DPP10: variants seen among roughly 807,000 people sequenced by gnomAD.
The protein encoded by DPP10 is inactive dipeptidyl peptidase 10.
A neutral mutation model predicts 120.9 loss-of-function variants in DPP10; 33 were observed. The observed-to-expected ratio is 0.27, with a 90% CI of 0.21 to 0.37. The LOEUF (loss-of-function observed/expected upper bound fraction) is 0.37. Among genes scored for constraint, DPP10 ranks in the 10% least tolerant of loss-of-function variants. DPP10 has a pLI of 1.00. For missense variants in DPP10, 816 were observed against 942.8 expected (o/e 0.87, Z 1.76); for synonymous variants, 337 against 326.1 (o/e 1.03, Z -0.36).
At chr2:115,367,439 A>G (rs1374812646) in intron 3 of DPP10, among the ~76,000 whole-genome samples, 1 of 151,992 alleles carries the variant, frequency 6.6e-6, no homozygotes, top group Non-Finnish European at 1.5e-5. Flanking sequence ...ATATGTCTTT[A>G]TTAACAATCT....
intron 1 of DPP10, among the ~76,000 whole-genome samples, chr2:114,940,099 C>T (rs1696780549): frequency 6.6e-6 from 1 of 152,098 alleles, no homozygotes; most frequent in Admixed American, 6.6e-5. Flanking sequence ...ATTTTAATCC[C>T]TAGCAGTTGG....
At chr2:115,827,412 G>GTTTATATA (rs1164585822) in intron 21 of DPP10, among the ~76,000 whole-genome samples, 2 of 81,936 alleles carry the variant, frequency 2.4e-5, no homozygotes, top group Non-Finnish European at 4.9e-5. Context: ...GTATGTGTGT[G>GTTTATATA]TGTATATATA....
At chr2:115,479,993 G>A (rs1303660585) in intron 3 of DPP10, among the ~76,000 whole-genome samples, 3 of 152,140 alleles carry the variant, frequency 2.0e-5, no homozygotes, top group Non-Finnish European at 4.4e-5. Flanking sequence ...AATTCTGATA[G>A]TACGAGGAAT....
intron 5 of DPP10, among the ~76,000 whole-genome samples, chr2:115,610,608 A>G (rs367949863): frequency 2.6e-5 from 4 of 152,184 alleles, no homozygotes; most frequent in Admixed American, 2.0e-4. Flanking sequence ...GAACTGTTTT[A>G]TAATTATCCA....
intron 1 of DPP10, among the ~76,000 whole-genome samples, chr2:115,275,895 G>A (rs2059900915): frequency 1.3e-5 from 2 of 151,832 alleles, no homozygotes; most frequent in South Asian, 2.1e-4. Context: ...TGGAGACGGG[G>A]TTTCACCGTG....
intron 1 of DPP10, among the ~76,000 whole-genome samples, chr2:114,669,979 C>T (rs1292440311): frequency 1.3e-5 from 2 of 152,092 alleles, no homozygotes; most frequent in South Asian, 2.1e-4. Context: ...GATACCATCT[C>T]ACACCAGTTA....
chr2:115,783,933 C>T (rs4849425), intron 17 of DPP10, among the ~76,000 whole-genome samples: 65,756 of 151,928 alleles, frequency 0.43, 17,029 homozygotes, highest in East Asian at 0.67. Context: ...ATAGGACACA[C>T]TTAATCAATA....
chr2:115,768,154 T>C (rs1436420562), intron 12 of DPP10, 143 bp from the exon 13 acceptor site: 4 of 652,766 alleles, frequency 6.1e-6, no homozygotes, highest in Non-Finnish European at 9.9e-6. Context: ...ATAGCATACA[T>C]TCATTTTTTT....
intron 1 of DPP10, among the ~76,000 whole-genome samples, chr2:115,116,837 TTCTC>T (rs776185425): frequency 3.9e-5 from 6 of 152,232 alleles, no homozygotes; most frequent in African/African-American, 7.2e-5. Context: ...CTCTTGTATT[TTCTC>T]TCTTTCTAGT....
intron 1 of DPP10, among the ~76,000 whole-genome samples, chr2:114,532,340 CTATATATATGTATACCA>C (rs1686091226): frequency 1.4e-5 from 2 of 145,144 alleles, no homozygotes; most frequent in African/African-American, 5.2e-5. Context: ...ATATATCTCT[CTATATATATGTATACCA>C]TATATATATG....
intron 21 of DPP10, among the ~76,000 whole-genome samples, chr2:115,834,149 C>T (rs1689209772): frequency 6.6e-6 from 1 of 152,142 alleles, no homozygotes; most frequent in South Asian, 2.1e-4. Context: ...ATTCCAGTAC[C>T]AGAACAATAT....
At chr2:115,030,817 A>C (rs561981673) in intron 1 of DPP10, among the ~76,000 whole-genome samples, 1 of 152,240 alleles carries the variant, frequency 6.6e-6, no homozygotes, top group East Asian at 1.9e-4. Context: ...TGTTGGTGGG[A>C]GTGTAAATTA....
intron 1 of DPP10, among the ~76,000 whole-genome samples, chr2:114,753,908 CAA>C (rs777798352): frequency 0.019 from 637 of 33,626 alleles, no homozygotes; most frequent in African/African-American, 0.053. Context: ...GACTCCTTCT[CAA>C]AAAAAAAAAA....
chr2:114,593,212 TAAG>T (rs921519297), intron 1 of DPP10, among the ~76,000 whole-genome samples: 13 of 152,174 alleles, frequency 8.5e-5, no homozygotes, highest in African/African-American at 3.1e-4. Context: ...AAATGAATCA[TAAG>T]AAGAAGGCTG....
chr2:115,404,630 T>TA (rs924055550), intron 3 of DPP10, among the ~76,000 whole-genome samples: 2 of 150,754 alleles, frequency 1.3e-5, no homozygotes, highest in African/African-American at 2.4e-5. Context: ...TAATCTATTT[T>TA]AAAAAAAAAG....
chr2:114,914,526 C>T (rs148896408), intron 1 of DPP10, among the ~76,000 whole-genome samples: 3 of 152,256 alleles, frequency 2.0e-5, no homozygotes, highest in East Asian at 3.9e-4. Context: ...TTTATTACCA[C>T]CACCTGCCCT....
intron 1 of DPP10, among the ~76,000 whole-genome samples, chr2:115,084,610 G>GC (rs1708545514): frequency 6.6e-6 from 1 of 152,154 alleles, no homozygotes; most frequent in Non-Finnish European, 1.5e-5. Context: ...AACATATGGT[G>GC]CTAGCTCAGA....
rs146912622 is a variant in DPP10, at chr2:115,000,974, A to G, written c.61-308265A>G. On this transcript the variant is annotated intron_variant, in intron 1 of 25. Transcript: ENST00000410059. ...TTTCAGAGCTGAAAACAATACGTATATCAGATCTTGGTTCTGTGACATCTA... is the reference window on the plus strand; with the variant it reads ...TTTCAGAGCTGAAAACAATACGTATGTCAGATCTTGGTTCTGTGACATCTA... 3.5e-3 allele frequency among the ~76,000 whole-genome samples: 536 copies of G among 152,316 alleles called. 7 individuals are homozygous for G. The highest frequency in any genetic ancestry group is 0.012 in the African/African-American group (511 of 41,578).
chr2:114,752,211 C>T (rs916772301), intron 1 of DPP10, among the ~76,000 whole-genome samples: 6 of 152,130 alleles, frequency 3.9e-5, no homozygotes, highest in African/African-American at 1.2e-4. Context: ...AGGTTGCTGC[C>T]CCTTCCCCTG....
Sources: gnomAD v4.1 joint callset for allele counts (sites outside exome capture counted in the v4.1 genomes callset) on GRCh38, gnomAD v4.1.1 for gene constraint, MANE v1.5 for transcripts, NCBI Gene and HGNC (gene_info 2026-07-23, HGNC 2026-07-21) for gene names.